Variants in RARB observed in about 807,000 individuals in gnomAD.
RARB encodes retinoic acid receptor beta.
In RARB, 17 loss-of-function variants were observed where a neutral mutation model predicts 51.9. That is an observed-to-expected ratio of 0.33 (90% CI 0.22 to 0.49). The LOEUF (loss-of-function observed/expected upper bound fraction) is 0.49, where lower values mean the gene tolerates loss of function less well. Ranked by LOEUF, RARB falls within the 20% of genes least tolerant of loss-of-function variation. RARB has a pLI of 0.99. For missense variants in RARB, 369 were observed against 550.8 expected (o/e 0.67, Z 3.30); for synonymous variants, 215 against 195.4 (o/e 1.10, Z -0.84).
intron 2 of RARB, among the ~76,000 whole-genome samples, chr3:25,470,119 C>T (rs1363872132): frequency 1.3e-5 from 2 of 152,150 alleles, no homozygotes; most frequent in Non-Finnish European, 2.9e-5. Context: ...TGCAATTTCA[C>T]AGCTGGGTCT....
intron 5 of RARB, among the ~76,000 whole-genome samples, chr3:25,357,844 C>T (rs145078339): frequency 3.3e-5 from 5 of 151,896 alleles, no homozygotes; most frequent in African/African-American, 9.7e-5. Flanking sequence ...TTCTGAGACC[C>T]CTGTTCTTTT....
chr3:25,306,058 T>G (rs2125430283), intron 5 of RARB, among the ~76,000 whole-genome samples: 1 of 152,216 alleles, frequency 6.6e-6, no homozygotes, highest in Non-Finnish European at 1.5e-5. Flanking sequence ...GCCTGGCCTG[T>G]CCTCCGCTGT....
chr3:25,594,962 T>C (rs1701762725), intron 7 of RARB, among the ~76,000 whole-genome samples: 1 of 152,208 alleles, frequency 6.6e-6, no homozygotes, highest in South Asian at 2.1e-4. Context: ...ACAGGCTAAT[T>C]CTCTAGGTTC....
chr3:25,410,806 G>C (rs1487850534), intron 5 of RARB, among the ~76,000 whole-genome samples: 1 of 152,198 alleles, frequency 6.6e-6, no homozygotes, highest in Admixed American at 6.5e-5. Flanking sequence ...AGCAAACACT[G>C]CATATCAGGG....
intron 2 of RARB, among the ~76,000 whole-genome samples, chr3:25,470,964 A>G (rs1695657456): frequency 6.6e-6 from 1 of 152,218 alleles, no homozygotes; most frequent in South Asian, 2.1e-4. Context: ...TAATGTATAT[A>G]TGCTTTTATC....
rs1301388882 is a variant in RARB at position 25,546,245 on chromosome 3, C to T, written c.449-23513C>T. Among the ~76,000 whole-genome samples, 8 of 152,242 alleles carry T rather than the reference C, an allele frequency of 5.3e-5. No individual in the cohort carries two copies. In the South Asian group the frequency reaches 1.5e-3, roughly 28 times the overall value. ...CACATGGGCTTTGTAAGGCTGTGTGCGAATTCCAGCTTTTCTCTCTTACTT... is the reference window on the plus strand; with the variant it reads ...CACATGGGCTTTGTAAGGCTGTGTGTGAATTCCAGCTTTTCTCTCTTACTT... On this transcript the variant is annotated intron_variant, in intron 3 of 7. Coordinates refer to ENST00000330688, the MANE Select transcript of RARB (RefSeq NM_000965.5).
chr3:25,205,726 TAAAAAC>T (rs1162779840), intron 5 of RARB, among the ~76,000 whole-genome samples: 1 of 151,652 alleles, frequency 6.6e-6, no homozygotes, highest in Non-Finnish European at 1.5e-5. Context: ...AAATAAAAAA[TAAAAAC>T]AAATATTAAA....
chr3:25,036,729 T>TG (rs1365352371), intron 2 of RARB, among the ~76,000 whole-genome samples: 1 of 152,096 alleles, frequency 6.6e-6, no homozygotes, highest in Non-Finnish European at 1.5e-5. Context: ...CGGAGAGCAA[T>TG]GGTCTGGTTA....
intron 5 of RARB, among the ~76,000 whole-genome samples, chr3:25,359,446 T>C (rs1329775979): frequency 6.6e-6 from 1 of 152,196 alleles, no homozygotes; most frequent in Admixed American, 6.5e-5. Context: ...CATTGATTTT[T>C]CGAAGGGTTT....
intron 1 of RARB, among the ~76,000 whole-genome samples, chr3:24,850,123 C>G (rs1702538244): frequency 6.6e-6 from 1 of 152,194 alleles, no homozygotes; most frequent in Non-Finnish European, 1.5e-5. Context: ...CCTGCAAGCC[C>G]TTTTTCTAGC....
At chr3:25,267,386 CTG>C (rs1703151345) in intron 5 of RARB, among the ~76,000 whole-genome samples, 1 of 152,198 alleles carries the variant, frequency 6.6e-6, no homozygotes, top group Admixed American at 6.5e-5. Flanking sequence ...CAGCTCCACT[CTG>C]GCCTTCCGCA....
At chr3:25,055,980 C>T (rs193099447) in intron 2 of RARB, among the ~76,000 whole-genome samples, 12 of 152,194 alleles carry the variant, frequency 7.9e-5, no homozygotes, top group African/African-American at 2.4e-4. Flanking sequence ...CCATGATTAT[C>T]GTTAAATGCT....
chr3:25,031,543 C>T (rs944709902), intron 2 of RARB, among the ~76,000 whole-genome samples: 10 of 152,110 alleles, frequency 6.6e-5, no homozygotes, highest in Non-Finnish European at 7.4e-5. Context: ...AAGAACATAA[C>T]GTGACAAAGA....
intron 2 of RARB, among the ~76,000 whole-genome samples, chr3:25,026,540 A>G (rs1280366332): frequency 6.6e-6 from 1 of 152,140 alleles, no homozygotes; most frequent in African/African-American, 2.4e-5. Context: ...TCTTATAAGG[A>G]CATCAGTCAG....
At chr3:25,376,928 T>G (rs573543063) in intron 5 of RARB, among the ~76,000 whole-genome samples, 34 of 152,336 alleles carry the variant, frequency 2.2e-4, no homozygotes, top group African/African-American at 7.9e-4. Flanking sequence ...GTGTGCCATG[T>G]GTAAAAGATG....
intron 1 of RARB, among the ~76,000 whole-genome samples, chr3:25,451,098 A>C (rs1277712204): frequency 1.3e-5 from 2 of 152,140 alleles, no homozygotes; most frequent in African/African-American, 2.4e-5. Context: ...ACTCCATCTC[A>C]GAAAAAAAAC....
chr3:25,428,012 C>T (rs1190341386), upstream of RARB, among the ~76,000 whole-genome samples: 1 of 152,170 alleles, frequency 6.6e-6, no homozygotes, highest in East Asian at 1.9e-4. Flanking sequence ...GGCTCCTCCC[C>T]TGCTCATTTT....
intron 4 of RARB, among the ~76,000 whole-genome samples, chr3:25,166,671 T>C (rs1700566286): frequency 6.6e-6 from 1 of 152,188 alleles, no homozygotes; most frequent in Non-Finnish European, 1.5e-5. Context: ...AGGAAATGGA[T>C]ACGTTTTCTC....
chr3:25,480,756 G>T (rs1696186691), intron 2 of RARB, among the ~76,000 whole-genome samples: 1 of 152,168 alleles, frequency 6.6e-6, no homozygotes, highest in African/African-American at 2.4e-5. Flanking sequence ...GGCAGGGCAG[G>T]TAAGTAAATA....
Sources: allele counts gnomAD v4.1 joint callset (sites outside exome capture counted in the v4.1 genomes callset), GRCh38; gene constraint gnomAD v4.1.1; transcripts MANE v1.5; gene names NCBI Gene and HGNC (gene_info 2026-07-23, HGNC 2026-07-21).